Variants in INPP4B observed in about 807,000 individuals in gnomAD.
INPP4B encodes the protein inositol polyphosphate-4-phosphatase type II B.
In INPP4B, 55 loss-of-function variants were observed where a neutral mutation model predicts 122.5. The ratio of observed to expected loss-of-function variants is 0.45; its 90% CI spans 0.36 to 0.56. The LOEUF (loss-of-function observed/expected upper bound fraction) is 0.56. Among genes scored for constraint, INPP4B ranks in the 20% least tolerant of loss-of-function variants. INPP4B has a pLI of 0.00. For missense variants in INPP4B, 1,000 were observed against 1,097.7 expected, an observed-to-expected ratio of 0.91 and a Z score of 1.26; for synonymous variants, 403 against 388.7, an observed-to-expected ratio of 1.04 and a Z score of -0.43.
Position 142,775,432 on chromosome 4 carries a change from A to G in INPP4B, c.-253-49531T>C, listed in dbSNP as rs971815731. On this transcript the variant is annotated intron_variant, in intron 1 of 25. Coordinates refer to ENST00000262992, the MANE Select transcript of INPP4B (RefSeq NM_001101669.3). ...ACTTATTAAATCATTTATTATATCCATATGGATATGTTGAGTATCCTTTTG... is the reference window on the plus strand; with the variant it reads ...ACTTATTAAATCATTTATTATATCCGTATGGATATGTTGAGTATCCTTTTG... Among the ~76,000 whole-genome samples the G allele has an allele frequency of 5.3e-5, 8 of 152,240 alleles. No individual in the cohort carries two copies. The South Asian group carries it at 1.7e-3, about 32-fold the overall frequency.
intron 7 of INPP4B, among the ~76,000 whole-genome samples, chr4:142,397,852 A>G (rs1006161552): frequency 2.0e-5 from 3 of 152,056 alleles, no homozygotes; most frequent in Non-Finnish European, 4.4e-5. Flanking sequence ...AAAATAAAAA[A>G]TAAAAAATAA....
intron 9 of INPP4B, among the ~76,000 whole-genome samples, chr4:142,299,587 A>T (rs531152165): frequency 6.6e-6 from 1 of 150,550 alleles, no homozygotes; most frequent in African/African-American, 2.4e-5. Flanking sequence ...TTTTCCTCTA[A>T]TTTTTCCATC....
At chr4:142,694,589 A>G (rs1760755490) in intron 2 of INPP4B, among the ~76,000 whole-genome samples, 4 of 152,114 alleles carry the variant, frequency 2.6e-5, no homozygotes, top group Admixed American at 1.3e-4. Flanking sequence ...CACTTCTGTA[A>G]TATTTTTTAG....
At chr4:142,629,592 T>C (rs534246472) in intron 2 of INPP4B, among the ~76,000 whole-genome samples, 79 of 152,082 alleles carry the variant, frequency 5.2e-4, no homozygotes, top group African/African-American at 1.8e-3. Flanking sequence ...ATTTAGGCAA[T>C]GCTAGTTTGC....
chr4:142,657,961 C>T (rs1050504227), intron 2 of INPP4B, among the ~76,000 whole-genome samples: 3 of 152,170 alleles, frequency 2.0e-5, no homozygotes, highest in Non-Finnish European at 4.4e-5. Flanking sequence ...TAAATAGGAT[C>T]ATTTGACATG....
intron 2 of INPP4B, among the ~76,000 whole-genome samples, chr4:142,535,823 C>G (rs1828130201): frequency 6.6e-6 from 1 of 152,110 alleles, no homozygotes. Flanking sequence ...CTTCAGTTAT[C>G]AACTCTAAAA....
chr4:142,640,770 A>G (rs1222648415), intron 2 of INPP4B, among the ~76,000 whole-genome samples: 2 of 152,070 alleles, frequency 1.3e-5, no homozygotes, highest in Non-Finnish European at 2.9e-5. Flanking sequence ...GACTTTGAAA[A>G]GCATTTTCAA....
At chr4:142,458,742 A>C (rs776325305) in intron 3 of INPP4B, among the ~76,000 whole-genome samples, 6 of 152,188 alleles carry the variant, frequency 3.9e-5, no homozygotes, top group South Asian at 2.1e-4. Context: ...ATTTGATCTG[A>C]ATACACATCA....
chr4:142,672,478 G>T (rs902833861), intron 2 of INPP4B, among the ~76,000 whole-genome samples: 1 of 152,052 alleles, frequency 6.6e-6, no homozygotes. Flanking sequence ...GTATTCCCTT[G>T]TGGTTTCAAT....
At chr4:142,240,207 C>CT (rs1003357597) in intron 11 of INPP4B, among the ~76,000 whole-genome samples, 13 of 145,944 alleles carry the variant, frequency 8.9e-5, no homozygotes, top group Non-Finnish European at 1.7e-4. Context: ...TTTTTCTTTT[C>CT]TTTTTTTGTA....
intron 2 of INPP4B, among the ~76,000 whole-genome samples, chr4:142,599,445 C>T (rs1367225033): frequency 6.6e-6 from 1 of 152,106 alleles, no homozygotes; most frequent in Non-Finnish European, 1.5e-5. Flanking sequence ...AAAAATCATA[C>T]AGAGAATATG....
intron 25 of INPP4B, among the ~76,000 whole-genome samples, chr4:142,065,678 G>A (rs1374275059): frequency 3.9e-5 from 6 of 152,296 alleles, no homozygotes; most frequent in Admixed American, 3.3e-4. Context: ...GGGCTGGGGG[G>A]ATGGCATTTG....
chr4:142,325,008 C>T (rs993755878), intron 7 of INPP4B, among the ~76,000 whole-genome samples: 3 of 152,190 alleles, frequency 2.0e-5, no homozygotes, highest in African/African-American at 7.2e-5. Flanking sequence ...TCAGCAAATA[C>T]CCCTAGACAA....
At chr4:142,511,583 T>TA (rs1824722432) in intron 2 of INPP4B, among the ~76,000 whole-genome samples, 1 of 152,172 alleles carries the variant, frequency 6.6e-6, no homozygotes, top group African/African-American at 2.4e-5. Context: ...CAGTGGTTCT[T>TA]ACCTTTGGTC....
intron 23 of INPP4B, among the ~76,000 whole-genome samples, chr4:142,106,609 T>C (rs1787252667): frequency 6.6e-6 from 1 of 152,204 alleles, no homozygotes. Context: ...GTTTTAAGTA[T>C]AGCACTGAAA....
At chr4:142,700,122 T>C (rs1761529506) in intron 2 of INPP4B, among the ~76,000 whole-genome samples, 1 of 152,028 alleles carries the variant, frequency 6.6e-6, no homozygotes, top group South Asian at 2.1e-4. Flanking sequence ...CTCCAATCCT[T>C]TCTTGAAACC....
At chr4:142,738,920 A>G (rs1016415122) in intron 1 of INPP4B, among the ~76,000 whole-genome samples, 1 of 152,094 alleles carries the variant, frequency 6.6e-6, no homozygotes, top group Non-Finnish European at 1.5e-5. Flanking sequence ...AGGTTTTCTT[A>G]GCTATCAAGT....
In INPP4B at chr4:142,405,231, C is replaced by G. The variant is rs370644892; in HGVS notation, c.230G>C (p.Arg77Thr). 1 of 1,610,336 alleles carries G rather than the reference C, an allele frequency of 6.2e-7. No individual in the cohort carries two copies. The highest frequency in any genetic ancestry group is 1.3e-5 in the African/African-American group (1 of 74,760). Residue 77 changes from arginine (R) to threonine (T), a missense_variant, in exon 6 of 26, where the codon AGA becomes ACA. Transcript: ENST00000262992. ...CTCCACAATTTCGGTGCTGGAGTAT[C>G]TTGTCAGACTCTGCTCCACGGGGTG... ...VIHPVEQSLTRYSSTEIVEGT... is the reference protein window; with the variant it reads ...VIHPVEQSLTTYSSTEIVEGT...
chr4:142,314,521 T>C (rs1429866454), intron 8 of INPP4B, among the ~76,000 whole-genome samples, 191 bp downstream of exon 8: 1 of 152,052 alleles, frequency 6.6e-6, no homozygotes, highest in Non-Finnish European at 1.5e-5. Flanking sequence ...TTGAGGATGA[T>C]TTTCAGGAAA....
Sources: allele counts gnomAD v4.1 joint callset (sites outside exome capture counted in the v4.1 genomes callset), GRCh38; gene constraint gnomAD v4.1.1; transcripts MANE v1.5; gene names NCBI Gene and HGNC (gene_info 2026-07-23, HGNC 2026-07-21).